Variants in LMO3 observed in about 807,000 individuals in gnomAD.
The protein encoded by LMO3 is LIM domain only 3, also known as LIM domain only protein 3.
In LMO3, 2 loss-of-function variants were observed where a neutral mutation model predicts 15.8. The ratio of observed to expected loss-of-function variants is 0.13; its 90% CI spans 0.05 to 0.40. The LOEUF (loss-of-function observed/expected upper bound fraction) is 0.40, where lower values mean the gene tolerates loss of function less well. Among genes scored for constraint, LMO3 ranks in the 10% least tolerant of loss-of-function variants. LMO3 has a pLI of 0.99. For synonymous variants in LMO3, 62 were observed against 63.8 expected (o/e 0.97, Z 0.13); for missense variants, 86 against 182.2 (o/e 0.47, Z 3.04).
chr12:16,605,436 G>GTCCCCCC, intron 1 of LMO3: 3 of 372,022 alleles, frequency 8.1e-6, no homozygotes, highest in Admixed American at 1.3e-4. Context: ...CTACCCGCCT[G>GTCCCCCC]CCCCCCCCCC....
At chr12:16,594,190 T>C (rs1943577418) in intron 2 of LMO3, 6 of 1,532,734 alleles carry the variant, frequency 3.9e-6, no homozygotes, top group Admixed American at 2.0e-5. Context: ...GTAATGGCCA[T>C]TCTAAGGTTA....
intron 2 of LMO3, among the ~76,000 whole-genome samples, chr12:16,566,203 T>C (rs1242029076): frequency 1.3e-5 from 2 of 150,472 alleles, no homozygotes; most frequent in Admixed American, 6.6e-5. Flanking sequence ...GTCGACATCA[T>C]AGAAGGAGAA....
Position 16,584,754 on chromosome 12 carries a change from C to T in LMO3, c.206+15901G>A, listed in dbSNP as rs1361761428. 6.6e-6 allele frequency among the ~76,000 whole-genome samples: 1 copy of T among 152,180 alleles called. No individual in the cohort carries two copies. Among genetic ancestry groups the T allele is most frequent in the Non-Finnish European group, 1.5e-5 (1 of 68,040 alleles). On this transcript the variant is annotated intron_variant, in intron 2 of 3. Coordinates refer to ENST00000537304, the MANE Select transcript of LMO3 (RefSeq NM_018640.5). The surrounding 1 kb of genome is among the most constrained non-coding windows in gnomAD (Gnocchi z 5.2). ...TTTATCAGGACGGGCTGCTTCTCGCCTCACAAAGCAGTGCCAAGACTCCTT... is the reference window on the plus strand; with the variant it reads ...TTTATCAGGACGGGCTGCTTCTCGCTTCACAAAGCAGTGCCAAGACTCCTT...
chr12:16,577,045 G>C (rs1415290804), intron 2 of LMO3, among the ~76,000 whole-genome samples: 1 of 152,144 alleles, frequency 6.6e-6, no homozygotes, highest in Non-Finnish European at 1.5e-5. Flanking sequence ...ATCTGTCTTT[G>C]ATCACACTCA....
Position 16,551,118 on chromosome 12 carries a change from C to A in LMO3, c.*104G>T. ...ATATAACCATCCTGCCTTCCTATATCTACGCTATTCAGTAGGTTCCTGTGT... is the reference window on the plus strand; with the variant it reads ...ATATAACCATCCTGCCTTCCTATATATACGCTATTCAGTAGGTTCCTGTGT... On this transcript the variant is annotated 3_prime_UTR_variant, in exon 4 of 4. Transcript: ENST00000537304. 1 of 745,018 alleles carries A rather than the reference C, an allele frequency of 1.3e-6. No homozygotes were observed. The highest frequency in any genetic ancestry group is 2.4e-6 in the Non-Finnish European group (1 of 423,266). The allele number at this position is 745,018 out of a possible 1,614,324, so 46.2% of individuals were successfully genotyped here. A position where few individuals can be genotyped will look rare whatever the true frequency, so the allele number is the denominator to read the frequency against.
chr12:16,604,941 C>G lies in LMO3; in HGVS notation c.-9+1125G>C. ...CAGCAGCTTCGCATTGAGCACCAAACCCAAAGGTAGAAGTAGAAGGGGGTC... is the reference window on the plus strand; with the variant it reads ...CAGCAGCTTCGCATTGAGCACCAAAGCCAAAGGTAGAAGTAGAAGGGGGTC... On this transcript the variant is annotated intron_variant, in intron 1 of 3. Coordinates refer to ENST00000537304, the MANE Select transcript of LMO3 (RefSeq NM_018640.5). This position sits in a 1 kb window ranked among gnomAD's most constrained non-coding sequence, Gnocchi z 5.3. 2 of 1,598,384 alleles carry G rather than the reference C, an allele frequency of 1.3e-6. No individual in the cohort carries two copies. The highest frequency in any genetic ancestry group is 1.7e-6 in the Non-Finnish European group (2 of 1,179,784).
intron 2 of LMO3, among the ~76,000 whole-genome samples, chr12:16,577,517 T>C (rs1000363048): frequency 1.3e-5 from 2 of 152,174 alleles, no homozygotes; most frequent in African/African-American, 4.8e-5. Flanking sequence ...TCAATATTTA[T>C]TGAGTACCTA....
At chr12:16,601,703 TAAGTA>T (rs1202379627) in intron 1 of LMO3, among the ~76,000 whole-genome samples, 4 of 152,066 alleles carry the variant, frequency 2.6e-5, no homozygotes, top group Non-Finnish European at 4.4e-5. Flanking sequence ...CAAACATATA[TAAGTA>T]AATATATACA....
intron 2 of LMO3, chr12:16,573,670 C>T (rs970836679): frequency 1.3e-5 from 2 of 152,200 alleles, no homozygotes; most frequent in African/African-American, 4.8e-5. Context: ...GGCTCCCTTC[C>T]TGCTCTGCTC....
At chr12:16,553,767 T>C (rs1050593121) in intron 3 of LMO3, among the ~76,000 whole-genome samples, 1 of 151,794 alleles carries the variant, frequency 6.6e-6, no homozygotes, top group Admixed American at 6.6e-5. Flanking sequence ...GCAATACAGA[T>C]AGTATGTATT....
chr12:16,571,897 A>C (rs1490462785), intron 2 of LMO3, among the ~76,000 whole-genome samples: 1 of 152,038 alleles, frequency 6.6e-6, no homozygotes, highest in African/African-American at 2.4e-5. Context: ...TATTTAATAT[A>C]AGCTAGTATT....
chr12:16,605,808 C>T (rs1943976148), intron 1 of LMO3: 2 of 1,535,596 alleles, frequency 1.3e-6, no homozygotes, highest in East Asian at 2.4e-5. Flanking sequence ...CTCCTTCCAT[C>T]AACATCTTCC....
intron 2 of LMO3, among the ~76,000 whole-genome samples, chr12:16,579,530 C>T (rs564699091): frequency 9.2e-5 from 14 of 152,148 alleles, no homozygotes; most frequent in African/African-American, 2.2e-4. Flanking sequence ...TCTTATTTGT[C>T]GGCATTATGG....
At position 16,559,955 on chromosome 12, in the gene LMO3, G is replaced by T. The variant is rs1301782623; in HGVS notation, c.332+458C>A. ...AGGCTGGGTGACAGAACCAGACCTT[G>T]TATTTAAAAAAGCAAAAACAAAAAC... On this transcript the variant is annotated intron_variant, in intron 3 of 3. Coordinates refer to ENST00000537304, the MANE Select transcript of LMO3 (RefSeq NM_018640.5). This position sits in a 1 kb window ranked among gnomAD's most constrained non-coding sequence, Gnocchi z 4.1. 6.6e-6 allele frequency among the ~76,000 whole-genome samples: 1 copy of T among 151,826 alleles called. No individual in the cohort carries two copies. The highest frequency in any genetic ancestry group is 2.4e-5 in the African/African-American group (1 of 41,342).
chr12:16,569,676 G>A (rs1338796761), intron 2 of LMO3, among the ~76,000 whole-genome samples: 3 of 152,092 alleles, frequency 2.0e-5, no homozygotes, highest in East Asian at 3.9e-4. Flanking sequence ...CAAAATCTTC[G>A]ATCTGAAAAG....
intron 2 of LMO3, among the ~76,000 whole-genome samples, chr12:16,592,087 G>T (rs1943511680): frequency 6.6e-6 from 1 of 151,944 alleles, no homozygotes; most frequent in South Asian, 2.1e-4. Context: ...CTTCACAAAA[G>T]AAAGTATGTA....
chr12:16,569,432 G>A (rs1272713757), intron 2 of LMO3, among the ~76,000 whole-genome samples: 2 of 152,116 alleles, frequency 1.3e-5, no homozygotes, highest in Admixed American at 1.3e-4. Flanking sequence ...CTTAAAAGTT[G>A]CAAACAGTGT....
At position 16,551,284 on chromosome 12, in the gene LMO3, G is replaced by C; in HGVS notation, c.376C>G (p.Leu126Val). Residue 126 changes from leucine (L) to valine (V), a missense_variant, in exon 4 of 4, where the codon CTT (leucine) becomes GTT (valine). This residue lies in a region of LMO3 where 51 missense variants were observed against 140.3 expected (regional missense o/e 0.36). Coordinates refer to ENST00000537304, the MANE Select transcript of LMO3 (RefSeq NM_018640.5). ...CCTTCCTCGTAGTCCGTCTGGCAAA[G>C]GATCATGTTATTCTTTAGGAAAAAT... ...DKFFLKNNMILCQTDYEEGLM... is the reference protein window; with the variant it reads ...DKFFLKNNMIVCQTDYEEGLM... 1 of 1,612,864 alleles carries C rather than the reference G, an allele frequency of 6.2e-7. No individual in the cohort carries two copies. Among genetic ancestry groups the C allele is most frequent in the Non-Finnish European group, 8.5e-7 (1 of 1,179,020 alleles).
chr12:16,570,354 T>C (rs182970100), intron 2 of LMO3, among the ~76,000 whole-genome samples: 112 of 152,264 alleles, frequency 7.4e-4, no homozygotes, highest in Non-Finnish European at 1.2e-3. Flanking sequence ...ATACACTATA[T>C]ATAAAAGTGA....
Sources: gnomAD v4.1 joint callset for allele counts (sites outside exome capture counted in the v4.1 genomes callset) on GRCh38, gnomAD v4.1.1 for gene constraint, gnomAD v4.1.1 regional missense constraint, Gnocchi (gnomAD v3.1) non-coding constraint, MANE v1.5 for transcripts, NCBI Gene and HGNC (gene_info 2026-07-23, HGNC 2026-07-21) for gene names.